The following AARSD1 variants were observed in gnomAD, a reference collection of about 807,000 sequenced individuals.
AARSD1 encodes the protein alanyl-tRNA editing protein Aarsd1.
AARSD1 carries 44 observed loss-of-function variants against 48.7 expected under a neutral mutation model. The ratio of observed to expected loss-of-function variants is 0.90; its 90% CI spans 0.71 to 1.16. The LOEUF (loss-of-function observed/expected upper bound fraction) is 1.16. AARSD1 is among the 50% of genes most tolerant of loss of function. The pLI is 0.00. For synonymous variants in AARSD1, 189 were observed against 194.9 expected (o/e 0.97, Z 0.25); for missense variants, 511 against 523.1 (o/e 0.98, Z 0.23).
intron 5 of AARSD1, 33 bp downstream of exon 5, chr17:42,956,371 C>G: frequency 1.2e-6 from 2 of 1,614,082 alleles, no homozygotes; most frequent in Non-Finnish European, 1.7e-6. Context: ...AGGAATCATT[C>G]CGCAGAAACC....
At chr17:42,962,251 G>A in intron 2 of AARSD1, 1 of 268,696 alleles carries the variant, frequency 3.7e-6, no homozygotes. Context: ...AGTAAGCCGA[G>A]ATCACGCCGC....
intron 10 of AARSD1, among the ~76,000 whole-genome samples, 159 bp downstream of exon 10, chr17:42,953,565 T>C (rs1031949290): frequency 1.3e-5 from 2 of 152,202 alleles, no homozygotes; most frequent in Admixed American, 1.3e-4. Flanking sequence ...AAACAGAGCT[T>C]GGCATATAGC....
At chr17:42,954,219 T>G (rs2049515720) in intron 9 of AARSD1, 1 of 192,994 alleles carries the variant, frequency 5.2e-6, no homozygotes, top group Non-Finnish European at 1.1e-5. Flanking sequence ...CCTGGTGTGG[T>G]GGCACATGCC....
chr17:42,956,620 CT>C, intron 4 of AARSD1, 60 bp from the exon 5 acceptor site: 4 of 1,317,290 alleles, frequency 3.0e-6, no homozygotes, highest in Non-Finnish European at 4.0e-6. Flanking sequence ...AAGCTGAAAG[CT>C]TTTCCTCTAA....
chr17:42,962,272 C>G (rs2151943595), intron 2 of AARSD1: 1 of 225,070 alleles, frequency 4.4e-6, no homozygotes, highest in African/African-American at 2.4e-5. Context: ...TGCGCTCCAG[C>G]CTGGCAACAG....
rs749841304 is a variant in AARSD1, at chr17:42,951,857, C to T, written c.1046G>A (p.Gly349Asp). The change falls in exon 11 of 12, where the codon GGT becomes GAT. Residue 349 changes from glycine to aspartate, a missense_variant. Coordinates refer to ENST00000427569, the MANE Select transcript of AARSD1 (RefSeq NM_001261434.2). ...LLFLTVGDEKGGGLFLLAGPP... is the reference protein window; with the variant it reads ...LLFLTVGDEKDGGLFLLAGPP... The stretch of plus-strand genomic sequence containing the variant: ...CCCTGCCAGTAAGAAGAGTCCACCA[C>T]CTTTCTCATCGCCCACAGTTAAGAA... 6.2e-7 allele frequency: 1 copy of T among 1,614,182 alleles called. No homozygotes were observed. Among genetic ancestry groups the T allele is most frequent in the Admixed American group, 1.7e-5 (1 of 60,014 alleles).
In AARSD1 at chr17:42,961,282, G is replaced by A; in HGVS notation, c.241C>T (p.His81Tyr). 6.2e-7 allele frequency: 1 copy of A among 1,614,162 alleles called. No homozygotes were observed. The highest frequency in any genetic ancestry group is 8.5e-7 in the Non-Finnish European group (1 of 1,180,022). Residue 81 changes from histidine to tyrosine, a missense_variant, in exon 3 of 12, where the codon CAT (histidine) becomes TAT (tyrosine). Transcript: ENST00000427569. ...GGATCCAGGGGTGTCTGGGTGAAAT[G>A]ATCAGCCTGTTCCCCACGGCGAGTC... Reference protein sequence around the residue: ...RVTRRGEQADHFTQTPLDPGS... With the variant: ...RVTRRGEQADYFTQTPLDPGS...
At chr17:42,960,880 G>A (rs1468140351) in intron 3 of AARSD1, 1 of 262,268 alleles carries the variant, frequency 3.8e-6, no homozygotes, top group Non-Finnish European at 7.1e-6. Context: ...AAGACCAGGA[G>A]GGAGGGGAAG....
chr17:42,953,740 T>C lies in AARSD1; in HGVS notation c.992A>G (p.Asn331Ser), dbSNP rs758557782. The change falls in exon 10 of 12, where the codon AAT becomes AGT. Residue 331 changes from asparagine (N) to serine (S), a missense_variant. Physicochemically the swap from Asn to Ser is conservative, Grantham distance 46. Coordinates refer to ENST00000427569, the MANE Select transcript of AARSD1 (RefSeq NM_001261434.2). ...GDSEFMNIIA[N>S]EIGSEETLLF... ...TCCTCTTACCTCTGACCCAATCTCA[T>C]TGGCAATGATATTCATGAACTCTGA... The C allele has an allele frequency of 1.1e-5, 17 of 1,614,016 alleles. No individual in the cohort carries two copies. In the East Asian group the frequency reaches 2.0e-4, roughly 19 times the overall value.
Position 42,961,337 on chromosome 17 carries a change from A to T in AARSD1, c.186T>A (p.Gly62=). The change falls in exon 3 of 12, where the codon GGT becomes GGA. Residue 62 remains glycine, a synonymous_variant. Coordinates refer to ENST00000427569, the MANE Select transcript of AARSD1 (RefSeq NM_001261434.2). Reference sequence around the variant, plus strand: ...TCAGCACAGAGATGTCATTGATTGTACCACGGTCATCAGGCTGGTGGAAAT... The same window carrying T: ...TCAGCACAGAGATGTCATTGATTGTTCCACGGTCATCAGGCTGGTGGAAAT... ...PEGGGQPDDR[G]TINDISVLRV... 1 of 1,614,108 alleles carries T rather than the reference A, an allele frequency of 6.2e-7. No individual in the cohort carries two copies. Among genetic ancestry groups the T allele is most frequent in the Non-Finnish European group, 8.5e-7 (1 of 1,180,008 alleles).
In AARSD1 at chr17:42,950,612, G is replaced by A. The variant is rs762617956; in HGVS notation, c.1220C>T (p.Thr407Met). The change falls in exon 12 of 12, where the codon ACG becomes ATG. Residue 407 changes from threonine to methionine, a missense_variant. Physicochemically the swap from Thr to Met is moderately conservative, Grantham distance 81. Coordinates refer to ENST00000427569, the MANE Select transcript of AARSD1 (RefSeq NM_001261434.2). ...AQALLQDYIS[T>M]QSAKE ...AAGCCCTCACTCCTTAGCACTCTGCGTGCTGATGTAGTCCTGGAGAAGCGC... is the reference window on the plus strand; with the variant it reads ...AAGCCCTCACTCCTTAGCACTCTGCATGCTGATGTAGTCCTGGAGAAGCGC... The A allele has an allele frequency of 4.1e-5, 66 of 1,613,776 alleles. No homozygotes were observed. Among genetic ancestry groups the A allele is most frequent in the East Asian group, 1.8e-4 (8 of 44,878 alleles).
rs537339359 is a variant in AARSD1 at position 42,956,638 on chromosome 17, G to A, written c.390-78C>T. ...CTGAAAGCTTTTCCTCTAAAAACTGGAACAAGCATACCCTCTCACCACTTT... is the reference window on the plus strand; with the variant it reads ...CTGAAAGCTTTTCCTCTAAAAACTGAAACAAGCATACCCTCTCACCACTTT... On this transcript the variant is annotated intron_variant, in intron 4 of 11. Coordinates refer to ENST00000427569, the MANE Select transcript of AARSD1 (RefSeq NM_001261434.2). 4.4e-4 allele frequency: 280 copies of A among 643,346 alleles called. 3 individuals are homozygous for A. In the South Asian group the frequency reaches 5.3e-3, roughly 12 times the overall value. 39.9% of individuals were successfully genotyped at this position (643,346 alleles called of 1,614,324 possible).
chr17:42,951,980 A>G lies in AARSD1; in HGVS notation c.1009-86T>C, dbSNP rs963089985. 7 of 1,423,020 alleles carry G rather than the reference A, an allele frequency of 4.9e-6. No individual in the cohort carries two copies. In the East Asian group the frequency reaches 1.6e-4, roughly 33 times the overall value. The allele number at this position is 1,423,020 out of a possible 1,614,324, so 88.1% of individuals were successfully genotyped here. A position where few individuals can be genotyped will look rare whatever the true frequency, so the allele number is the denominator to read the frequency against. ...ATCCTGCACTCTCTTCAATCTTAAGAATAGATTATTTCCCCCTAAACCACC... is the reference window on the plus strand; with the variant it reads ...ATCCTGCACTCTCTTCAATCTTAAGGATAGATTATTTCCCCCTAAACCACC... On this transcript the variant is annotated intron_variant, in intron 10 of 11. Coordinates refer to ENST00000427569, the MANE Select transcript of AARSD1 (RefSeq NM_001261434.2).
At chr17:42,963,812 T>C (rs2049671537) in intron 2 of AARSD1, among the ~76,000 whole-genome samples, 1 of 152,158 alleles carries the variant, frequency 6.6e-6, no homozygotes, top group Non-Finnish European at 1.5e-5. Flanking sequence ...TTCCCTTTAC[T>C]TGGTTTTTGT....
chr17:42,961,405 C>A (rs764406903), intron 2 of AARSD1, 54 bp from the exon 3 acceptor site: 7 of 1,611,192 alleles, frequency 4.3e-6, no homozygotes, highest in Non-Finnish European at 5.9e-6. Flanking sequence ...ACCCTAACTT[C>A]TAGGTACAAA....
At position 42,954,980 on chromosome 17, in the gene AARSD1, T is replaced by C. The variant is rs2151940585; in HGVS notation, c.862-13A>G. On this transcript the variant is annotated splice_polypyrimidine_tract_variant and intron_variant, in intron 8 of 11. Coordinates refer to ENST00000427569, the MANE Select transcript of AARSD1 (RefSeq NM_001261434.2). The stretch of plus-strand genomic sequence containing the variant: ...GATTCAGGTTATTCTGAAATGGATA[T>C]GGTAACTCAGTAGATAAATGGAAAG... The C allele has an allele frequency of 1.2e-6, 2 of 1,614,128 alleles. No individual in the cohort carries two copies. Among genetic ancestry groups the C allele is most frequent in the East Asian group, 2.2e-5 (1 of 44,888 alleles).
chr17:42,952,049 GC>G (rs1400810262), intron 10 of AARSD1, 155 bp from the exon 11 acceptor site: 385 of 795,776 alleles, frequency 4.8e-4, no homozygotes, highest in Middle Eastern at 4.3e-3. Context: ...CTCCACACTG[GC>G]CCACGAGGGC....
intron 2 of AARSD1, among the ~76,000 whole-genome samples, chr17:42,963,622 T>C (rs1246501348): frequency 6.6e-6 from 1 of 151,968 alleles, no homozygotes; most frequent in African/African-American, 2.4e-5. Context: ...TCTTTTTCAG[T>C]CCCTAAAACC....
intron 2 of AARSD1, among the ~76,000 whole-genome samples, chr17:42,961,654 C>A (rs1216769531): frequency 6.6e-6 from 1 of 152,186 alleles, no homozygotes; most frequent in East Asian, 1.9e-4. Context: ...AGTCTAGATT[C>A]TTTTGTAGTC....
Sources: gnomAD v4.1 joint callset for allele counts (sites outside exome capture counted in the v4.1 genomes callset) on GRCh38, gnomAD v4.1.1 for gene constraint, MANE v1.5 for transcripts, NCBI Gene and HGNC (gene_info 2026-07-23, HGNC 2026-07-21) for gene names.